ETHE1: variants seen among roughly 807,000 people sequenced by gnomAD.
ETHE1 encodes ETHE1 persulfide dioxygenase.
A neutral mutation model predicts 25.7 loss-of-function variants in ETHE1; 16 were observed. The ratio of observed to expected loss-of-function variants is 0.62; its 90% CI spans 0.42 to 0.95. The LOEUF (loss-of-function observed/expected upper bound fraction) is 0.95. Ranked by LOEUF, ETHE1 falls within the 40% of genes least tolerant of loss-of-function variation. The pLI is 0.00. For synonymous variants in ETHE1, 139 were observed against 135.9 expected, an observed-to-expected ratio of 1.02 and a Z score of -0.16; for missense variants, 300 against 333.6, an observed-to-expected ratio of 0.90 and a Z score of 0.79.
At chr19:43,526,910 A>G in intron 1 of ETHE1, 187 bp downstream of exon 1, 1 of 1,478,460 alleles carries the variant, frequency 6.8e-7, no homozygotes. Flanking sequence ...GTCTGGCCCC[A>G]AGCCCAGAGG....
intron 1 of ETHE1, 199 bp from the exon 2 acceptor site, chr19:43,526,858 A>G (rs1348494790): frequency 5.4e-6 from 8 of 1,474,800 alleles, no homozygotes; most frequent in African/African-American, 1.4e-5. Context: ...TAACATCCCA[A>G]AATCAGGGTC....
intron 3 of ETHE1, among the ~76,000 whole-genome samples, chr19:43,512,869 T>C (rs1971945979): frequency 6.6e-6 from 1 of 152,226 alleles, no homozygotes; most frequent in Non-Finnish European, 1.5e-5. Flanking sequence ...TCAGAGGTTT[T>C]CACAGCAGCC....
chr19:43,524,311 G>C (rs1368071631), intron 3 of ETHE1, among the ~76,000 whole-genome samples: 1 of 151,900 alleles, frequency 6.6e-6, no homozygotes, highest in African/African-American at 2.4e-5. Flanking sequence ...CTTGAACCCG[G>C]GAGGTGGAGG....
intron 3 of ETHE1, among the ~76,000 whole-genome samples, chr19:43,516,944 T>C (rs1437106507): frequency 6.6e-6 from 1 of 152,156 alleles, no homozygotes; most frequent in African/African-American, 2.4e-5. Flanking sequence ...TTATTGACTT[T>C]ACAATAATGT....
At chr19:43,512,734 C>T (rs183440106) in intron 3 of ETHE1, among the ~76,000 whole-genome samples, 1 of 122,566 alleles carries the variant, frequency 8.2e-6, no homozygotes, top group East Asian at 2.5e-4. Context: ...TGCAGCCTGA[C>T]AATGTGATAG....
rs138427304 is a variant in ETHE1 at position 43,511,564 on chromosome 19, C to T, written c.378G>A (p.Ala126=). The part of the protein sequence containing the change: ...DGDSIRFGRF[A]LETRASPGHT... The stretch of plus-strand genomic sequence containing the variant: ...GGCCAGGGCTGGCCCTGGTCTCCAA[C>T]GCCTGGCAGGGGTGGAAGAGTACAG... The change falls in exon 4 of 7, where the codon GCG becomes GCA. Residue 126 remains alanine, a splice_region_variant and synonymous_variant. Transcript: ENST00000292147. 278 of 1,613,184 alleles carry T rather than the reference C, an allele frequency of 1.7e-4. 1 individual carries two copies. The highest frequency in any genetic ancestry group is 2.3e-4 in the Admixed American group (14 of 59,982).
intron 3 of ETHE1, among the ~76,000 whole-genome samples, chr19:43,516,019 A>T (rs1972012886): frequency 6.6e-6 from 1 of 152,182 alleles, no homozygotes; most frequent in Non-Finnish European, 1.5e-5. Flanking sequence ...TTATCATGCT[A>T]CTCAGAACGA....
At chr19:43,513,136 G>C (rs1374161815) in intron 3 of ETHE1, among the ~76,000 whole-genome samples, 4 of 152,192 alleles carry the variant, frequency 2.6e-5, no homozygotes. Context: ...TTGAGAGGCT[G>C]TATGGAAATG....
At chr19:43,511,717 G>A in intron 3 of ETHE1, 151 bp from the exon 4 acceptor site, 1 of 876,926 alleles carries the variant, frequency 1.1e-6, no homozygotes, top group Non-Finnish European at 1.7e-6. Context: ...TATTATCAGA[G>A]TAAACTCCAA....
rs1396023397 is a variant in ETHE1 at position 43,525,811 on chromosome 19, G to A, written c.375+390C>T. ...CTGGGCTCCGGGTTCTAAGCACCCAGATGCTCCTTCCTCAAACGGAGGTTT... is the reference window on the plus strand; with the variant it reads ...CTGGGCTCCGGGTTCTAAGCACCCAAATGCTCCTTCCTCAAACGGAGGTTT... On this transcript the variant is annotated intron_variant, in intron 3 of 6. Coordinates refer to ENST00000292147, the MANE Select transcript of ETHE1 (RefSeq NM_014297.5). 4 of 311,366 alleles carry A rather than the reference G, an allele frequency of 1.3e-5. No individual in the cohort carries two copies. The East Asian group carries it at 3.5e-4, about 27-fold the overall frequency. The allele number at this position is 311,366 out of a possible 1,614,324, so 19.3% of individuals were successfully genotyped here. A position where few individuals can be genotyped will look rare whatever the true frequency, so the allele number is the denominator to read the frequency against.
At chr19:43,516,305 A>T (rs899163423) in intron 3 of ETHE1, among the ~76,000 whole-genome samples, 1 of 146,200 alleles carries the variant, frequency 6.8e-6, no homozygotes, top group African/African-American at 2.5e-5. Flanking sequence ...CTGACTTATG[A>T]TTTTTTTTTT....
At chr19:43,524,349 C>A in intron 3 of ETHE1, among the ~76,000 whole-genome samples, 1 of 148,028 alleles carries the variant, frequency 6.8e-6, no homozygotes, top group Admixed American at 6.8e-5. Context: ...CGCACCACTG[C>A]ACTCTAGCTT....
intron 3 of ETHE1, among the ~76,000 whole-genome samples, chr19:43,515,270 AG>A (rs1337407980): frequency 1.3e-5 from 2 of 151,968 alleles, no homozygotes; most frequent in African/African-American, 4.8e-5. Flanking sequence ...TACAAAAATT[AG>A]CCAGGCATGG....
At chr19:43,513,824 C>A (rs1035603351) in intron 3 of ETHE1, among the ~76,000 whole-genome samples, 7 of 151,836 alleles carry the variant, frequency 4.6e-5, no homozygotes, top group African/African-American at 1.5e-4. Flanking sequence ...CAGGTTCAAC[C>A]AATTCTTGTG....
rs769401192 is a variant in ETHE1, at chr19:43,511,595, G to C, written c.376-29C>G. The C allele has an allele frequency of 5.0e-6, 8 of 1,608,668 alleles. No individual in the cohort carries two copies. The South Asian group carries it at 7.7e-5, about 15-fold the overall frequency. ...GCAGGGGTGGAAGAGTACAGAGATAGTCACCAAGAAGCCTTCTAGATGAAA... is the reference window on the plus strand; with the variant it reads ...GCAGGGGTGGAAGAGTACAGAGATACTCACCAAGAAGCCTTCTAGATGAAA... On this transcript the variant is annotated intron_variant, in intron 3 of 6. Coordinates refer to ENST00000292147, the MANE Select transcript of ETHE1 (RefSeq NM_014297.5).
In ETHE1 at chr19:43,512,748, A is replaced by AC. The variant is rs60170231; in HGVS notation, c.376-1183_376-1182insG. On this transcript the variant is annotated intron_variant, in intron 3 of 6. Transcript: ENST00000292147. ...TTGCAGCCTGACAATGTGATAGAAA[A>AC]AAAAACCCATTTTCTGAGGAAAAAT... 2.2e-4 allele frequency among the ~76,000 whole-genome samples: 33 copies of AC among 152,108 alleles called. No homozygotes were observed. In the South Asian group the frequency reaches 5.2e-3, roughly 24 times the overall value.
In ETHE1 at chr19:43,518,999, G is replaced by GTTTTTTTTTTTTTTTTTTTT; in HGVS notation, c.375+7182_375+7201dup. Among the ~76,000 whole-genome samples, 2 of 91,012 alleles carry GTTTTTTTTTTTTTTTTTTTT rather than the reference G, an allele frequency of 2.2e-5. 1 individual carries two copies. The highest frequency in any genetic ancestry group is 4.3e-5 in the Non-Finnish European group (2 of 46,580). The allele number at this position is 91,012 out of a possible 152,430, so 59.7% of individuals were successfully genotyped here. A position where few individuals can be genotyped will look rare whatever the true frequency, so the allele number is the denominator to read the frequency against. On this transcript the variant is annotated intron_variant, in intron 3 of 6. Transcript: ENST00000292147. Reference sequence around the variant, plus strand: ...CTGATGGCTGATGAAATTTGTGCTTGTTTTTTTTTTTTTTTTTTTTTTTTT... The same window carrying GTTTTTTTTTTTTTTTTTTTT: ...CTGATGGCTGATGAAATTTGTGCTTGTTTTTTTTTTTTTTTTTTTTTTTTTTTTTTTTTTTTTTTTTTTTT...
chr19:43,515,417 T>TAAA (rs77979210), intron 3 of ETHE1, among the ~76,000 whole-genome samples: 1 of 97,284 alleles, frequency 1.0e-5, no homozygotes, highest in Non-Finnish European at 2.2e-5. Context: ...AACTCCGCCT[T>TAAA]AAAAAAAAAA....
intron 3 of ETHE1, among the ~76,000 whole-genome samples, chr19:43,520,871 G>A (rs566422041): frequency 6.6e-6 from 1 of 152,194 alleles, no homozygotes; most frequent in South Asian, 2.1e-4. Flanking sequence ...CCAATTCCTT[G>A]TGTCCACCCA....
Sources: allele counts gnomAD v4.1 joint callset (sites outside exome capture counted in the v4.1 genomes callset), GRCh38; gene constraint gnomAD v4.1.1; transcripts MANE v1.5; gene names NCBI Gene and HGNC (gene_info 2026-07-23, HGNC 2026-07-21).